The following ITGA9 variants were observed in gnomAD, a reference collection of about 807,000 sequenced individuals.
ITGA9 encodes the protein integrin alpha-9.
A neutral mutation model predicts 127.8 loss-of-function variants in ITGA9; 56 were observed. That is an observed-to-expected ratio of 0.44 (90% confidence interval 0.35 to 0.55). ITGA9 has a LOEUF of 0.55. Ranked by LOEUF, ITGA9 falls within the 20% of genes least tolerant of loss-of-function variation. The probability of loss-of-function intolerance (pLI) is 0.00; values close to 1 mark genes in which losing one functional copy is unlikely to be tolerated. For synonymous variants in ITGA9, 508 were observed against 514.5 expected, an observed-to-expected ratio of 0.99 and a Z score of 0.17; for missense variants, 1,196 against 1,347.1, an observed-to-expected ratio of 0.89 and a Z score of 1.76.
rs907519175 is a variant in ITGA9, at chr3:37,542,590, G to T, written c.1689+5G>T. On this transcript the variant is annotated splice_donor_5th_base_variant and intron_variant, in intron 15 of 27. Coordinates refer to ENST00000264741, the MANE Select transcript of ITGA9 (RefSeq NM_002207.3). ...CACTATGTGGCCCATGTGAAGGTCA[G>T]TCCTCTCCTCCTTTTTATCCTCAAA... The T allele has an allele frequency of 6.2e-7, 1 of 1,613,950 alleles. No individual in the cohort carries two copies. The highest frequency in any genetic ancestry group is 1.7e-5 in the Admixed American group (1 of 60,006).
intron 16 of ITGA9, among the ~76,000 whole-genome samples, chr3:37,635,245 A>G (rs1347464462): frequency 6.6e-6 from 1 of 152,232 alleles, no homozygotes; most frequent in African/African-American, 2.4e-5. Flanking sequence ...AGCAATAATC[A>G]TGAACCATAA....
At chr3:37,705,791 C>T (rs533364953) in intron 18 of ITGA9, among the ~76,000 whole-genome samples, 1 of 152,332 alleles carries the variant, frequency 6.6e-6, no homozygotes, top group East Asian at 1.9e-4. Context: ...GAGGAAAGAG[C>T]ATGCATACTG....
At position 37,466,483 on chromosome 3, in the gene ITGA9, CAAAAAAAAAAAAAAAAAA is replaced by C. The variant is rs60980366; in HGVS notation, c.186-4511_186-4494del. On this transcript the variant is annotated intron_variant, in intron 1 of 27. Coordinates refer to ENST00000264741, the MANE Select transcript of ITGA9 (RefSeq NM_002207.3). ...TGGGTAACAGAGCAAGACACCATCT[CAAAAAAAAAAAAAAAAAA>C]AAAAAAAAAAAAGGGCCTTTGAGTT... is the stretch of plus-strand genomic sequence containing the variant. 7.3e-4 allele frequency among the ~76,000 whole-genome samples: 19 copies of C among 26,068 alleles called. No individual in the cohort carries two copies. The Admixed American group carries it at 0.014, about 19-fold the overall frequency. 17.1% of individuals were successfully genotyped at this position (26,068 alleles called of 152,430 possible). A position where few individuals can be genotyped will look rare whatever the true frequency, so the allele number is the denominator to read the frequency against.
At position 37,799,897 on chromosome 3, in the gene ITGA9, G is replaced by A. The variant is rs1298492123; in HGVS notation, c.2890-3926G>A. ...TCAGTGCTTCTTGCCTCTCCATGTC[G>A]TCCATGCTGCTGTTCCTTCCTTAGA... is the stretch of plus-strand genomic sequence containing the variant. On this transcript the variant is annotated intron_variant, in intron 26 of 27. Coordinates refer to ENST00000264741, the MANE Select transcript of ITGA9 (RefSeq NM_002207.3). The surrounding 1 kb of genome is among the most constrained non-coding windows in gnomAD (Gnocchi z 4.0). Among the ~76,000 whole-genome samples, 6 of 152,126 alleles carry A rather than the reference G, an allele frequency of 3.9e-5. No homozygotes were observed. Among genetic ancestry groups the A allele is most frequent in the African/African-American group, 1.2e-4 (5 of 41,426 alleles).
chr3:37,678,816 A>T (rs1559565376), intron 17 of ITGA9, among the ~76,000 whole-genome samples: 1 of 152,250 alleles, frequency 6.6e-6, no homozygotes, highest in Non-Finnish European at 1.5e-5. Context: ...CATTTACCCA[A>T]CAAGGAACTT....
chr3:37,454,096 G>GGGAGGGCTGCTGTGGAC (rs1216328906), intron 1 of ITGA9, among the ~76,000 whole-genome samples: 3 of 152,344 alleles, frequency 2.0e-5, no homozygotes, highest in Non-Finnish European at 2.9e-5. Context: ...TGTCAAAAAT[G>GGGAGGGCTGCTGTGGAC]GGAGGGCTGC....
At chr3:37,512,213 CT>C (rs1458294269) in intron 8 of ITGA9, among the ~76,000 whole-genome samples, 10 of 66,672 alleles carry the variant, frequency 1.5e-4, no homozygotes, top group Non-Finnish European at 2.4e-4. Context: ...TCTTTTCTTT[CT>C]TTCTTTCTTC....
At chr3:37,501,252 A>G (rs1264107509) in intron 5 of ITGA9, among the ~76,000 whole-genome samples, 1 of 152,156 alleles carries the variant, frequency 6.6e-6, no homozygotes, top group African/African-American at 2.4e-5. Flanking sequence ...AAAGCCAGGG[A>G]CCTCTGATGG....
intron 17 of ITGA9, among the ~76,000 whole-genome samples, chr3:37,666,143 C>G (rs144571207): frequency 1.4e-4 from 21 of 152,294 alleles, no homozygotes; most frequent in Non-Finnish European, 2.2e-4. Context: ...TAACTATAGT[C>G]ATGATCACGA....
chr3:37,729,253 T>C (rs1197135266), intron 18 of ITGA9, among the ~76,000 whole-genome samples: 2 of 152,144 alleles, frequency 1.3e-5, no homozygotes, highest in African/African-American at 4.8e-5. Context: ...GCAGTTGACA[T>C]GGCCAGTATA....
intron 15 of ITGA9, among the ~76,000 whole-genome samples, chr3:37,550,388 C>G (rs1699367786): frequency 6.6e-6 from 1 of 152,140 alleles, no homozygotes; most frequent in Non-Finnish European, 1.5e-5. Context: ...AGCATATGGC[C>G]CCCAGAGGTG....
chr3:37,786,997 T>G (rs1298640014), intron 26 of ITGA9, among the ~76,000 whole-genome samples: 3 of 152,206 alleles, frequency 2.0e-5, no homozygotes, highest in Admixed American at 2.0e-4. Flanking sequence ...TGCTGGGTCA[T>G]TTACTACTTA....
intron 4 of ITGA9, among the ~76,000 whole-genome samples, chr3:37,492,557 C>T (rs1323762848): frequency 6.6e-6 from 1 of 152,204 alleles, no homozygotes; most frequent in African/African-American, 2.4e-5. Flanking sequence ...GGAGGAGGCA[C>T]TGAAGTTCTC....
chr3:37,715,049 C>G (rs1416911791), intron 18 of ITGA9, among the ~76,000 whole-genome samples: 1 of 152,144 alleles, frequency 6.6e-6, no homozygotes, highest in Non-Finnish European at 1.5e-5. Flanking sequence ...TCTGTTCATC[C>G]TAGCAAAATG....
intron 18 of ITGA9, among the ~76,000 whole-genome samples, chr3:37,701,702 G>C (rs1700948357): frequency 6.6e-6 from 1 of 152,206 alleles, no homozygotes; most frequent in South Asian, 2.1e-4. Flanking sequence ...ACAGGGCAGG[G>C]GATCTGGAGG....
intron 4 of ITGA9, among the ~76,000 whole-genome samples, chr3:37,482,314 T>A (rs1386234148): frequency 6.6e-6 from 1 of 152,238 alleles, no homozygotes; most frequent in East Asian, 1.9e-4. Context: ...GGAAAATGTA[T>A]CCTCTCAGAC....
chr3:37,598,035 A>G (rs1056671310), intron 15 of ITGA9, among the ~76,000 whole-genome samples: 7 of 152,230 alleles, frequency 4.6e-5, no homozygotes, highest in African/African-American at 1.7e-4. Flanking sequence ...TGCAACAGTC[A>G]CTAATCATGT....
At chr3:37,665,668 G>C (rs773712388) in intron 17 of ITGA9, among the ~76,000 whole-genome samples, 2 of 151,488 alleles carry the variant, frequency 1.3e-5, no homozygotes, top group Admixed American at 6.6e-5. Flanking sequence ...TTGGCCAGGC[G>C]GGTCTCGAAA....
At chr3:37,584,471 G>A (rs143964899) in intron 15 of ITGA9, among the ~76,000 whole-genome samples, 5 of 152,222 alleles carry the variant, frequency 3.3e-5, no homozygotes, top group African/African-American at 7.2e-5. Context: ...TGGGTAGGGG[G>A]CAGCTGATAA....
Sources: allele counts gnomAD v4.1 joint callset (sites outside exome capture counted in the v4.1 genomes callset), GRCh38; gene constraint gnomAD v4.1.1; non-coding constraint Gnocchi (gnomAD v3.1); transcripts MANE v1.5; gene names NCBI Gene and HGNC (gene_info 2026-07-23, HGNC 2026-07-21).